The following GNG5 variants were observed in gnomAD, a reference collection of about 807,000 sequenced individuals.
The protein encoded by GNG5 is G protein subunit gamma 5.
GNG5 carries 2 observed loss-of-function variants against 6.2 expected under a neutral mutation model. That is an observed-to-expected ratio of 0.32 (90% CI 0.13 to 1.01). The LOEUF (loss-of-function observed/expected upper bound fraction) is 1.01. Among genes scored for constraint, GNG5 ranks in the 50% least tolerant of loss-of-function variants. GNG5 has a pLI of 0.48. For synonymous variants in GNG5, 24 were observed against 33.0 expected (o/e 0.73, Z 0.93); for missense variants, 57 against 80.2 (o/e 0.71, Z 1.10).
chr1:84,503,451 A>T (rs576086189), intron 2 of GNG5, among the ~76,000 whole-genome samples: 1 of 152,354 alleles, frequency 6.6e-6, no homozygotes, highest in South Asian at 2.1e-4. Flanking sequence ...ACAGCAGTCC[A>T]GAGTAATGAG....
chr1:84,503,583 C>T lies in GNG5; in HGVS notation c.82-1613G>A, dbSNP rs76134166. On this transcript the variant is annotated intron_variant, in intron 2 of 3. Coordinates refer to ENST00000370645, the MANE Select transcript of GNG5 (RefSeq NM_005274.3). ...GGGGAACAATGGTGTCATTTTTCAC[C>T]AAATATTGTAATAGTGTTTAGTGTT... 5 of 152,222 alleles carry T rather than the reference C, an allele frequency of 3.3e-5. No individual in the cohort carries two copies. In the East Asian group the frequency reaches 9.6e-4, roughly 29 times the overall value. The allele number at this position is 152,222 out of a possible 1,614,324, so 9.4% of individuals were successfully genotyped here. A position where few individuals can be genotyped will look rare whatever the true frequency, so the allele number is the denominator to read the frequency against.
intron 2 of GNG5, 66 bp from the exon 3 acceptor site, chr1:84,502,036 T>C (rs991578165): frequency 1.1e-5 from 13 of 1,228,524 alleles, no homozygotes; most frequent in Non-Finnish European, 1.6e-5. Context: ...GTTTTCTCAA[T>C]CTTTGGAAAT....
rs869094557 is a variant in GNG5 at position 84,498,559 on chromosome 1, GAAA to G, written c.*20-14_*20-12del. 2 of 18,814 alleles carry G rather than the reference GAAA, an allele frequency of 1.1e-4. No individual in the cohort carries two copies. The highest frequency in any genetic ancestry group is 6.1e-4 in the African/African-American group (2 of 3,296). 1.2% of individuals were successfully genotyped at this position (18,814 alleles called of 1,614,324 possible). On this transcript the variant is annotated splice_polypyrimidine_tract_variant and intron_variant, in intron 3 of 3. Coordinates refer to ENST00000370645, the MANE Select transcript of GNG5 (RefSeq NM_005274.3). Reference sequence around the variant, plus strand: ...AGTGGTTTGGGAAACCTAAGATGGGGAAAAAAAAAAAAAGGTGAGTTAGGGTAA... The same window carrying G: ...AGTGGTTTGGGAAACCTAAGATGGGGAAAAAAAAAAGGTGAGTTAGGGTAA...
At position 84,503,692 on chromosome 1, in the gene GNG5, C is replaced by T. The variant is rs925182487; in HGVS notation, c.82-1722G>A. The T allele has an allele frequency of 7.8e-4, 119 of 152,184 alleles. 1 individual carries two copies. Among genetic ancestry groups the T allele is most frequent in the African/African-American group, 2.3e-3 (97 of 41,452 alleles). The allele number at this position is 152,184 out of a possible 1,614,324, so 9.4% of individuals were successfully genotyped here. A position where few individuals can be genotyped will look rare whatever the true frequency, so the allele number is the denominator to read the frequency against. On this transcript the variant is annotated intron_variant, in intron 2 of 3. Transcript: ENST00000370645. ...TGTAGGTGGGGTCCAATGTAACTCG[C>T]TTTCACAATTTTCAAGCACCACTAT...
Position 84,506,140 on chromosome 1 carries a change from G to A in GNG5, c.-49C>T. On this transcript the variant is annotated 5_prime_UTR_variant, in exon 2 of 4. In the 5' UTR this introduces an upstream ATG that the reference lacks. Transcript: ENST00000370645. ...TTCGTGGGTCGGTGGGTCGTGGGCC[G>A]TGGGTCGGCGGGGCCAGACAACTCA... 1.3e-6 allele frequency: 2 copies of A among 1,503,512 alleles called. No homozygotes were observed. The highest frequency in any genetic ancestry group is 9.0e-7 in the Non-Finnish European group (1 of 1,110,354). 93.1% of individuals were successfully genotyped at this position (1,503,512 alleles called of 1,614,324 possible). A position where few individuals can be genotyped will look rare whatever the true frequency, so the allele number is the denominator to read the frequency against.
chr1:84,505,685 T>C (rs1259251446), intron 2 of GNG5, among the ~76,000 whole-genome samples: 1 of 152,154 alleles, frequency 6.6e-6, no homozygotes. Context: ...GAGGCGCAGC[T>C]GTTGGTGAGA....
intron 3 of GNG5, among the ~76,000 whole-genome samples, chr1:84,500,861 G>C (rs189622347): frequency 3.3e-5 from 5 of 152,174 alleles, no homozygotes; most frequent in East Asian, 1.9e-4. Flanking sequence ...CCTGGACTTT[G>C]GAGAAGTCAG....
chr1:84,505,557 G>A (rs1158918003), intron 2 of GNG5, among the ~76,000 whole-genome samples: 1 of 152,258 alleles, frequency 6.6e-6, no homozygotes. Flanking sequence ...AAGGAAGTAG[G>A]TTTGGGAAAG....
chr1:84,504,808 AC>A (rs1682133045), intron 2 of GNG5, among the ~76,000 whole-genome samples: 1 of 152,148 alleles, frequency 6.6e-6, no homozygotes, highest in African/African-American at 2.4e-5. Flanking sequence ...GTTGACCACA[AC>A]TGAGTAAGCT....
At chr1:84,502,898 T>TCTG (rs1682086419) in intron 2 of GNG5, among the ~76,000 whole-genome samples, 3 of 152,242 alleles carry the variant, frequency 2.0e-5, no homozygotes, top group African/African-American at 7.2e-5. Flanking sequence ...TTCTATATAT[T>TCTG]CTGCTAAGGT....
intron 2 of GNG5, among the ~76,000 whole-genome samples, chr1:84,502,901 G>A (rs1332554805): frequency 6.6e-6 from 1 of 152,168 alleles, no homozygotes; most frequent in African/African-American, 2.4e-5. Flanking sequence ...TATATATTCT[G>A]CTAAGGTGAT....
chr1:84,502,283 G>A (rs1682075217), intron 2 of GNG5, among the ~76,000 whole-genome samples: 1 of 151,860 alleles, frequency 6.6e-6, no homozygotes, highest in Non-Finnish European at 1.5e-5. Flanking sequence ...ACAGGCGCAC[G>A]TCACCACGCC....
At chr1:84,502,123 TAGTG>T (rs1467448330) in intron 2 of GNG5, among the ~76,000 whole-genome samples, 153 bp from the exon 3 acceptor site, 1 of 149,188 alleles carries the variant, frequency 6.7e-6, no homozygotes, top group East Asian at 2.0e-4. Context: ...TTAAGTCAAA[TAGTG>T]AGCTCTTTTT....
At position 84,506,137 on chromosome 1, in the gene GNG5, G is replaced by A. The variant is rs757647805; in HGVS notation, c.-46C>T. 2.6e-6 allele frequency: 4 copies of A among 1,516,810 alleles called. No homozygotes were observed. Among genetic ancestry groups the A allele is most frequent in the Admixed American group, 2.0e-5 (1 of 50,802 alleles). 94.0% of individuals were successfully genotyped at this position (1,516,810 alleles called of 1,614,324 possible). A position where few individuals can be genotyped will look rare whatever the true frequency, so the allele number is the denominator to read the frequency against. ...CGATTCGTGGGTCGGTGGGTCGTGG[G>A]CCGTGGGTCGGCGGGGCCAGACAAC... On this transcript the variant is annotated 5_prime_UTR_variant, in exon 2 of 4. Coordinates refer to ENST00000370645, the MANE Select transcript of GNG5 (RefSeq NM_005274.3).
chr1:84,506,392 C>G lies in GNG5; in HGVS notation c.-211+44G>C, dbSNP rs1479543742. ...GACCCGACTCTTAAGTTTTCTTTTCCTCTCCAGAGGGGCCGATTAGGGAGA... is the reference window on the plus strand; with the variant it reads ...GACCCGACTCTTAAGTTTTCTTTTCGTCTCCAGAGGGGCCGATTAGGGAGA... On this transcript the variant is annotated intron_variant, in intron 1 of 3. Transcript: ENST00000370645. The G allele has an allele frequency of 5.0e-5, 13 of 261,592 alleles. No individual in the cohort carries two copies. In the East Asian group the frequency reaches 1.1e-3, roughly 22 times the overall value. The allele number at this position is 261,592 out of a possible 1,614,324, so 16.2% of individuals were successfully genotyped here. A position where few individuals can be genotyped will look rare whatever the true frequency, so the allele number is the denominator to read the frequency against.
In GNG5 at chr1:84,500,804, A is replaced by C. The variant is rs986017743; in HGVS notation, c.*19+1022T>G. ...GACACTCCCAGGTCTAGGAAGCTTA[A>C]TTAAGGAGGGCACAACTATGTAACA... On this transcript the variant is annotated intron_variant, in intron 3 of 3. Coordinates refer to ENST00000370645, the MANE Select transcript of GNG5 (RefSeq NM_005274.3). Among the ~76,000 whole-genome samples the C allele has an allele frequency of 2.6e-5, 4 of 152,174 alleles. No homozygotes were observed. In the South Asian group the frequency reaches 6.2e-4, roughly 24 times the overall value.
intron 3 of GNG5, among the ~76,000 whole-genome samples, chr1:84,499,606 C>CA (rs747148155): frequency 1.2e-4 from 18 of 152,092 alleles, no homozygotes; most frequent in Non-Finnish European, 2.1e-4. Flanking sequence ...ATCTTGTTTA[C>CA]AAAGAGTATT....
chr1:84,502,647 G>A (rs145805937), intron 2 of GNG5, among the ~76,000 whole-genome samples: 1 of 152,072 alleles, frequency 6.6e-6, no homozygotes, highest in African/African-American at 2.4e-5. Context: ...AACATTAAGG[G>A]TTAAACAAAA....
chr1:84,500,885 G>C (rs1198179404), intron 3 of GNG5, among the ~76,000 whole-genome samples: 1 of 151,960 alleles, frequency 6.6e-6, no homozygotes, highest in Non-Finnish European at 1.5e-5. Context: ...GTTAGTAAGG[G>C]GTGTGTGCCA....
Sources: gnomAD v4.1 joint callset for allele counts (sites outside exome capture counted in the v4.1 genomes callset) on GRCh38, gnomAD v4.1.1 for gene constraint, MANE v1.5 for transcripts, NCBI Gene and HGNC (gene_info 2026-07-23, HGNC 2026-07-21) for gene names.